Variants in KIAA0753 observed in about 807,000 individuals in gnomAD.
KIAA0753 encodes KIAA0753.
In KIAA0753, 114 loss-of-function variants were observed where a neutral mutation model predicts 116.9. The ratio of observed to expected loss-of-function variants is 0.98; its 90% CI spans 0.84 to 1.14. The LOEUF is 1.14. Ranked by LOEUF, KIAA0753 falls within the 50% of genes most tolerant of loss-of-function variation. The probability of loss-of-function intolerance (pLI) is 0.00; values close to 1 mark genes in which losing one functional copy is unlikely to be tolerated. For synonymous variants in KIAA0753, 405 were observed against 413.1 expected (o/e 0.98, Z 0.24); for missense variants, 1,156 against 1,172.4 (o/e 0.99, Z 0.20).
At chr17:6,600,930 T>G (rs886287117) in intron 12 of KIAA0753, 1 of 159,612 alleles carries the variant, frequency 6.3e-6, no homozygotes, top group Admixed American at 6.0e-5. Context: ...ACAAAAGTGA[T>G]AACTAACTTA....
At chr17:6,594,547 G>C (rs1219795162) in intron 16 of KIAA0753, among the ~76,000 whole-genome samples, 1 of 152,196 alleles carries the variant, frequency 6.6e-6, no homozygotes, top group Non-Finnish European at 1.5e-5. Flanking sequence ...TGCCTACGTG[G>C]CGGGGCATGA....
chr17:6,629,701 C>A (rs927194261), intron 2 of KIAA0753, among the ~76,000 whole-genome samples: 2 of 152,196 alleles, frequency 1.3e-5, no homozygotes, highest in African/African-American at 2.4e-5. Flanking sequence ...ATGCCGTGAC[C>A]TTGGAGATGG....
In KIAA0753 at chr17:6,628,581, CT is replaced by C; in HGVS notation, c.253del (p.Ser85ValfsTer19). ...GGATATGACGGAAAATGAAACAGAA[CT>C]GCCCAGGTCAGGACCAACTCTACAA... The part of the protein sequence containing the change: ...ADCRVGPDLG[S>X]SVSFSVISQE... On this transcript the variant is annotated frameshift_variant, in exon 3 of 19. Transcript: ENST00000361413. LOFTEE classifies it high-confidence loss of function. 1 of 1,614,202 alleles carries C rather than the reference CT, an allele frequency of 6.2e-7. No individual in the cohort carries two copies. Among genetic ancestry groups the C allele is most frequent in the Non-Finnish European group, 8.5e-7 (1 of 1,180,026 alleles).
At position 6,628,271 on chromosome 17, in the gene KIAA0753, T is replaced by C. The variant is rs1388598138; in HGVS notation, c.564A>G (p.Pro188=). The C allele has an allele frequency of 6.2e-7, 1 of 1,614,184 alleles. No homozygotes were observed. The highest frequency in any genetic ancestry group is 1.1e-5 in the South Asian group (1 of 91,080). ...SHPGQSDLTV[P]NSPPTHDPGL... is the part of the protein sequence containing the mutation. ...CCGGATCATGGGTGGGTGGCGAATT[T>C]GGCACAGTAAGATCTGACTGGCCTG... The change falls in exon 3 of 19, where the codon CCA becomes CCG. Residue 188 remains proline, a synonymous_variant. Transcript: ENST00000361413.
At chr17:6,596,113 G>T in intron 15 of KIAA0753, 45 bp downstream of exon 15, 2 of 1,583,232 alleles carry the variant, frequency 1.3e-6, no homozygotes, top group Non-Finnish European at 1.7e-6. Context: ...ACTCGGCAGA[G>T]GCCAGCCCCT....
chr17:6,607,722 T>C (rs2150820501), intron 10 of KIAA0753, among the ~76,000 whole-genome samples: 1 of 152,360 alleles, frequency 6.6e-6, no homozygotes, highest in Non-Finnish European at 1.5e-5. Flanking sequence ...TGTCAAATTA[T>C]TTAATGGACC....
At position 6,596,304 on chromosome 17, in the gene KIAA0753, G is replaced by T. The variant is rs1041096614; in HGVS notation, c.2212C>A (p.Leu738Ile). 6.2e-7 allele frequency: 1 copy of T among 1,613,156 alleles called. No individual in the cohort carries two copies. Among genetic ancestry groups the T allele is most frequent in the East Asian group, 2.2e-5 (1 of 44,836 alleles). Residue 738 changes from leucine to isoleucine, a missense_variant, in exon 15 of 19, where the codon CTT becomes ATT. By Grantham distance (5) the Leu-to-Ile change is conservative. Transcript: ENST00000361413. ...VDFESNNIRQ[L>I]DDFLEDCASE... ...GCACAATCTTCCAAAAAATCATCAA[G>T]CTGACGAATGTTGTTGGATTCAAAA...
At position 6,624,790 on chromosome 17, in the gene KIAA0753, G is replaced by A. The variant is rs571768566; in HGVS notation, c.790C>T (p.Arg264Cys). Residue 264 changes from arginine (R) to cysteine (C), a missense_variant, in exon 4 of 19, where the codon CGC (arginine) becomes TGC (cysteine). By Grantham distance (180) the Arg-to-Cys change is radical (BLOSUM62 -3). Coordinates refer to ENST00000361413, the MANE Select transcript of KIAA0753 (RefSeq NM_014804.3). ...AGGACGTAGAGCATTCGGGCAGAGCGAGCAGCTTGCTCCTGTCTCCTGATA... is the reference window on the plus strand; with the variant it reads ...AGGACGTAGAGCATTCGGGCAGAGCAAGCAGCTTGCTCCTGTCTCCTGATA... ...IRIRRQEQAA[R>C]SARMLYVLQQ... 4.0e-5 allele frequency: 62 copies of A among 1,563,138 alleles called. No individual in the cohort carries two copies. Among genetic ancestry groups the A allele is most frequent in the Middle Eastern group, 1.7e-4 (1 of 6,002 alleles).
chr17:6,629,217 G>A (rs141653664), intron 2 of KIAA0753, among the ~76,000 whole-genome samples: 231 of 152,232 alleles, frequency 1.5e-3, no homozygotes, highest in Non-Finnish European at 2.2e-3. Flanking sequence ...CTTTTACCCT[G>A]CCCCTAAGTG....
intron 18 of KIAA0753, among the ~76,000 whole-genome samples, chr17:6,580,571 C>T (rs1968084017): frequency 6.6e-6 from 1 of 152,112 alleles, no homozygotes; most frequent in Non-Finnish European, 1.5e-5. Flanking sequence ...CTGCCTTGGC[C>T]TCCCAAAGTG....
intron 12 of KIAA0753, among the ~76,000 whole-genome samples, chr17:6,606,383 T>C (rs1016856997): frequency 6.6e-6 from 1 of 152,224 alleles, no homozygotes; most frequent in Non-Finnish European, 1.5e-5. Context: ...ACTAAATCTT[T>C]TAACAAGCTT....
rs1395091500 is a variant in KIAA0753, at chr17:6,611,601, T to A, written c.1545+318A>T. The stretch of plus-strand genomic sequence containing the variant: ...GACACCACACCCGGCAGGAACCAAA[T>A]CTTAATCCCCTCAAGTCTCACACTT... On this transcript the variant is annotated intron_variant, in intron 8 of 18. Coordinates refer to ENST00000361413, the MANE Select transcript of KIAA0753 (RefSeq NM_014804.3). Among the ~76,000 whole-genome samples, 3 of 151,994 alleles carry A rather than the reference T, an allele frequency of 2.0e-5. No individual in the cohort carries two copies. In the East Asian group the frequency reaches 5.8e-4, roughly 29 times the overall value.
intron 10 of KIAA0753, 96 bp downstream of exon 10, chr17:6,608,252 A>C: frequency 1.9e-6 from 1 of 518,888 alleles, no homozygotes; most frequent in East Asian, 3.1e-5. Flanking sequence ...TAAATAACCA[A>C]CTTTAAATGT....
At position 6,596,316 on chromosome 17, in the gene KIAA0753, T is replaced by C. The variant is rs1354647396; in HGVS notation, c.2200A>G (p.Asn734Asp). The C allele has an allele frequency of 1.2e-6, 2 of 1,612,368 alleles. No individual in the cohort carries two copies. The highest frequency in any genetic ancestry group is 1.7e-6 in the Non-Finnish European group (2 of 1,179,658). The change falls in exon 15 of 19, where the codon AAC becomes GAC. Residue 734 changes from asparagine to aspartate, a missense_variant. Coordinates refer to ENST00000361413, the MANE Select transcript of KIAA0753 (RefSeq NM_014804.3). Reference protein sequence around the residue: ...EVAAVDFESNNIRQLDDFLED... With the variant: ...EVAAVDFESNDIRQLDDFLED... ...AAAAAATCATCAAGCTGACGAATGT[T>C]GTTGGATTCAAAATCAACAGCTGCA...
At chr17:6,625,991 C>A (rs1461170327) in intron 3 of KIAA0753, among the ~76,000 whole-genome samples, 2 of 152,216 alleles carry the variant, frequency 1.3e-5, no homozygotes, top group Non-Finnish European at 2.9e-5. Context: ...TGTGAGCCAC[C>A]ATGCCCAGCC....
At chr17:6,622,729 A>G (rs1971409235) in intron 6 of KIAA0753, among the ~76,000 whole-genome samples, 153 bp downstream of exon 6, 1 of 152,262 alleles carries the variant, frequency 6.6e-6, no homozygotes, top group African/African-American at 2.4e-5. Context: ...AAAAATAGCA[A>G]AACAAAAAGA....
chr17:6,594,914 G>A lies in KIAA0753; in HGVS notation c.2440+58C>T, dbSNP rs565855519. 9 of 1,342,782 alleles carry A rather than the reference G, an allele frequency of 6.7e-6. No homozygotes were observed. The Admixed American group carries it at 1.5e-4, about 23-fold the overall frequency. The allele number at this position is 1,342,782 out of a possible 1,614,324, so 83.2% of individuals were successfully genotyped here. ...TACTATACAATTTTTTCAATTTTCT[G>A]TATGTTTGAAATTCTTCAGAATAAA... On this transcript the variant is annotated intron_variant, in intron 16 of 18. Coordinates refer to ENST00000361413, the MANE Select transcript of KIAA0753 (RefSeq NM_014804.3).
chr17:6,622,486 C>A (rs543469517), intron 6 of KIAA0753, among the ~76,000 whole-genome samples: 4 of 152,182 alleles, frequency 2.6e-5, no homozygotes, highest in African/African-American at 9.7e-5. Flanking sequence ...TATACTGTAC[C>A]TTTAAGTGTT....
At chr17:6,610,516 C>T (rs1460859261) in intron 8 of KIAA0753, among the ~76,000 whole-genome samples, 39 of 113,406 alleles carry the variant, frequency 3.4e-4, no homozygotes, top group Middle Eastern at 5.9e-3. Context: ...TTTTCTTTCT[C>T]TTTTTTTTTT....
Sources: gnomAD v4.1 joint callset for allele counts (sites outside exome capture counted in the v4.1 genomes callset) on GRCh38, gnomAD v4.1.1 for gene constraint, MANE v1.5 for transcripts, NCBI Gene and HGNC (gene_info 2026-07-23, HGNC 2026-07-21) for gene names.